KCNAB1: variants seen among roughly 807,000 people sequenced by gnomAD.
KCNAB1 encodes potassium voltage-gated channel subfamily A regulatory beta subunit 1, also known as voltage-gated potassium channel subunit beta-1.
A neutral mutation model predicts 64.6 loss-of-function variants in KCNAB1; 35 were observed. That is an observed-to-expected ratio of 0.54 (90% CI 0.41 to 0.72). The LOEUF is 0.72. Among genes scored for constraint, KCNAB1 ranks in the 30% least tolerant of loss-of-function variants. The pLI is 0.00. For synonymous variants in KCNAB1, 177 were observed against 183.8 expected, an observed-to-expected ratio of 0.96 and a Z score of 0.30; for missense variants, 401 against 512.9, an observed-to-expected ratio of 0.78 and a Z score of 2.11.
At chr3:156,320,441 T>G (rs143970202) in intron 1 of KCNAB1, among the ~76,000 whole-genome samples, 29 of 152,348 alleles carry the variant, frequency 1.9e-4, no homozygotes, top group African/African-American at 6.7e-4. Context: ...AAATATGTTT[T>G]ATTTGAGGAC....
chr3:156,171,715 G>A (rs188843473), intron 1 of KCNAB1, among the ~76,000 whole-genome samples: 34 of 152,164 alleles, frequency 2.2e-4, no homozygotes, highest in African/African-American at 7.7e-4. Flanking sequence ...TTTCCCCTAC[G>A]CCCTCCAGAG....
At chr3:156,269,946 C>T (rs1718930169) in intron 1 of KCNAB1, among the ~76,000 whole-genome samples, 2 of 137,794 alleles carry the variant, frequency 1.5e-5, no homozygotes, top group East Asian at 2.3e-4. Flanking sequence ...GACAATGTCT[C>T]ACTCTGTCAC....
chr3:156,219,692 CTTTTTATTATTATTAT>C (rs1367880613), intron 1 of KCNAB1, among the ~76,000 whole-genome samples: 1 of 131,662 alleles, frequency 7.6e-6, no homozygotes, highest in Non-Finnish European at 1.6e-5. Flanking sequence ...AGGAAGGAAT[CTTTTTATTATTATTAT>C]TATTATTATT....
At chr3:156,206,472 A>G (rs1179175296) in intron 1 of KCNAB1, among the ~76,000 whole-genome samples, 2 of 152,180 alleles carry the variant, frequency 1.3e-5, no homozygotes, top group East Asian at 3.9e-4. Flanking sequence ...ATAAACAAGC[A>G]CTTTAAGGAG....
chr3:156,191,455 C>T (rs1576591138), intron 1 of KCNAB1, among the ~76,000 whole-genome samples: 1 of 152,240 alleles, frequency 6.6e-6, no homozygotes, highest in African/African-American at 2.4e-5. Flanking sequence ...TTTTAAAATG[C>T]TCTTTCATCT....
At chr3:156,459,703 C>T (rs891831820) in intron 4 of KCNAB1, 124 bp from the exon 5 acceptor site, 14 of 648,884 alleles carry the variant, frequency 2.2e-5, no homozygotes, top group Middle Eastern at 2.6e-4. Context: ...CAGCCGAGAG[C>T]GGCTTCTATT....
intron 11 of KCNAB1, among the ~76,000 whole-genome samples, chr3:156,522,405 C>A (rs1718011793): frequency 6.6e-6 from 1 of 152,082 alleles, no homozygotes; most frequent in South Asian, 2.1e-4. Flanking sequence ...AAGGCAGTGT[C>A]CATTGTTCAC....
chr3:156,343,382 A>G (rs1488842723), intron 1 of KCNAB1, among the ~76,000 whole-genome samples: 1 of 152,156 alleles, frequency 6.6e-6, no homozygotes, highest in Non-Finnish European at 1.5e-5. Flanking sequence ...CTGGCCACAG[A>G]TCCCCTACCT....
chr3:156,339,294 A>G (rs1459215663), intron 1 of KCNAB1, among the ~76,000 whole-genome samples: 1 of 152,140 alleles, frequency 6.6e-6, no homozygotes, highest in East Asian at 1.9e-4. Context: ...TACCTCTCAG[A>G]ATAAAGTTTG....
At chr3:156,241,086 G>C (rs961723738) in intron 1 of KCNAB1, among the ~76,000 whole-genome samples, 8 of 152,216 alleles carry the variant, frequency 5.3e-5, no homozygotes, top group African/African-American at 1.9e-4. Flanking sequence ...AATACTTCCA[G>C]CCTGCCATGT....
intron 1 of KCNAB1, among the ~76,000 whole-genome samples, chr3:156,393,734 C>A (rs1346367774): frequency 6.6e-6 from 1 of 152,172 alleles, no homozygotes; most frequent in East Asian, 1.9e-4. Flanking sequence ...CTTCTTCCTC[C>A]ATTCCCTCTT....
At chr3:156,283,374 C>T (rs1203317410) in intron 1 of KCNAB1, among the ~76,000 whole-genome samples, 4 of 150,970 alleles carry the variant, frequency 2.6e-5, no homozygotes, top group Non-Finnish European at 4.4e-5. Context: ...GGTAACCCGA[C>T]CCTTCTCTCT....
chr3:156,143,083 C>A (rs190409465), intron 1 of KCNAB1: 1 of 1,460,824 alleles, frequency 6.8e-7, no homozygotes, highest in East Asian at 2.4e-5. Flanking sequence ...GAGGGACATA[C>A]TGAAGCCAGA....
intron 4 of KCNAB1, among the ~76,000 whole-genome samples, chr3:156,458,482 A>C (rs1000362661): frequency 2.0e-5 from 3 of 152,196 alleles, no homozygotes; most frequent in African/African-American, 7.2e-5. Context: ...TCCAGGTTAG[A>C]ATTACAATCA....
chr3:156,265,845 A>G (rs1211311245), intron 1 of KCNAB1, among the ~76,000 whole-genome samples: 1 of 152,072 alleles, frequency 6.6e-6, no homozygotes, highest in Non-Finnish European at 1.5e-5. Flanking sequence ...TACAAAAATT[A>G]GCTGGGTGTG....
intron 12 of KCNAB1, among the ~76,000 whole-genome samples, chr3:156,525,159 A>G (rs1234133113): frequency 6.6e-6 from 1 of 152,176 alleles, no homozygotes; most frequent in Non-Finnish European, 1.5e-5. Context: ...TAGGAAAAAA[A>G]AAAAGTTAAC....
At position 156,268,543 on chromosome 3, in the gene KCNAB1, A is replaced by G. The variant is rs181205781; in HGVS notation, c.275+147657A>G. 1.2e-4 allele frequency among the ~76,000 whole-genome samples: 19 copies of G among 152,194 alleles called. No homozygotes were observed. The East Asian group carries it at 3.7e-3, about 29-fold the overall frequency. On this transcript the variant is annotated intron_variant, in intron 1 of 13. Coordinates refer to ENST00000490337, the MANE Select transcript of KCNAB1 (RefSeq NM_172160.3). ...CCCTCTCCAGCATTTGTTATTGCCT[A>G]TCTTTTGGATAAAAGCCATTTTAAC...
At chr3:156,457,693 T>A (rs544094154) in intron 4 of KCNAB1, among the ~76,000 whole-genome samples, 161 bp downstream of exon 4, 3 of 152,250 alleles carry the variant, frequency 2.0e-5, no homozygotes, top group Admixed American at 2.0e-4. Flanking sequence ...GAATTGGGGA[T>A]ATTGACTGTC....
chr3:156,443,202 C>T (rs192489964), intron 2 of KCNAB1, among the ~76,000 whole-genome samples: 9 of 152,202 alleles, frequency 5.9e-5, no homozygotes, highest in East Asian at 1.9e-4. Flanking sequence ...TCCCTCTCAC[C>T]GCCGCCCCCT....
Sources: allele counts gnomAD v4.1 joint callset (sites outside exome capture counted in the v4.1 genomes callset), GRCh38; gene constraint gnomAD v4.1.1; transcripts MANE v1.5; gene names NCBI Gene and HGNC (gene_info 2026-07-23, HGNC 2026-07-21).